The following STUB1 variants were observed in gnomAD, a reference collection of about 807,000 sequenced individuals.
The protein encoded by STUB1 is E3 ubiquitin-protein ligase CHIP.
In STUB1, 37 loss-of-function variants were observed where a neutral mutation model predicts 40.3. The ratio of observed to expected loss-of-function variants is 0.92; its 90% confidence interval spans 0.71 to 1.21. The LOEUF (loss-of-function observed/expected upper bound fraction) is 1.21. STUB1 is among the 50% of genes most tolerant of loss of function. The pLI, the probability that STUB1 is intolerant of heterozygous loss-of-function variation, is 0.00. For missense variants in STUB1, 460 were observed against 421.9 expected, an observed-to-expected ratio of 1.09 and a Z score of -0.79; for synonymous variants, 246 against 171.9, an observed-to-expected ratio of 1.43 and a Z score of -3.37.
chr16:681,853 C>A lies in STUB1; in HGVS notation c.585C>A (p.Ala195=), dbSNP rs747990641. Residue 195 remains alanine, a synonymous_variant, in exon 4 of 7, where the codon GCC becomes GCA. Coordinates refer to ENST00000219548, the MANE Select transcript of STUB1 (RefSeq NM_005861.4). The part of the protein sequence containing the change: ...EGDEDDSHVR[A]QQACIEAKHD... ...ATGAGGACGACAGCCACGTCCGGGCCCAGCAGGCCTGCATTGAGGCCAAGC... is the reference window on the plus strand; with the variant it reads ...ATGAGGACGACAGCCACGTCCGGGCACAGCAGGCCTGCATTGAGGCCAAGC... 3.7e-6 allele frequency: 6 copies of A among 1,611,952 alleles called. No homozygotes were observed. Among genetic ancestry groups the A allele is most frequent in the Non-Finnish European group, 5.1e-6 (6 of 1,179,386 alleles).
chr16:680,772 C>T lies in STUB1; in HGVS notation c.159+88C>T. 3 of 1,102,964 alleles carry T rather than the reference C, an allele frequency of 2.7e-6. No homozygotes were observed. The highest frequency in any genetic ancestry group is 2.3e-6 in the Non-Finnish European group (2 of 884,506). 68.3% of individuals were successfully genotyped at this position (1,102,964 alleles called of 1,614,324 possible). On this transcript the variant is annotated intron_variant, in intron 1 of 6. Transcript: ENST00000219548. This position sits in a 1 kb window ranked among gnomAD's most constrained non-coding sequence, Gnocchi z 4.9. ...GGCCGGCCCCACCGAGGGTCTGGCT[C>T]CTCTTCGGGGCGTGTCCTCGGCTCC...
chr16:680,667 TG>T lies in STUB1; in HGVS notation c.143del (p.Cys48SerfsTer24). 1 of 1,285,008 alleles carries T rather than the reference TG, an allele frequency of 7.8e-7. No individual in the cohort carries two copies. 79.6% of individuals were successfully genotyped at this position (1,285,008 alleles called of 1,614,324 possible). On this transcript the variant is annotated frameshift_variant, in exon 1 of 7. Coordinates refer to ENST00000219548, the MANE Select transcript of STUB1 (RefSeq NM_005861.4). LOFTEE classifies it high-confidence loss of function. The surrounding 1 kb of genome is among the most constrained non-coding windows in gnomAD (Gnocchi z 4.9). ...CCGAAAGTACCCGGAGGCGGCGGCC[TG>T]CTACGGCCGCGCGATCGTGAGTGCG... is the stretch of plus-strand genomic sequence containing the variant. ...VGRKYPEAAACYGRAITRNPL... is the reference protein window; with the variant it reads ...VGRKYPEAAAXYGRAITRNPL...
rs1318088165 is a variant in STUB1 at position 681,132 on chromosome 16, G to T, written c.160-20G>T. ...GCTGAGCCTACGCCCTCATGCGGCT[G>T]GCCCGGCCTTGGTCCCTAGACCCGG... On this transcript the variant is annotated intron_variant, in intron 1 of 6. Coordinates refer to ENST00000219548, the MANE Select transcript of STUB1 (RefSeq NM_005861.4). 3.2e-6 allele frequency: 5 copies of T among 1,544,318 alleles called. No homozygotes were observed. The East Asian group carries it at 1.2e-4, about 38-fold the overall frequency.
Position 680,729 on chromosome 16 carries a change from A to AGGGCCG in STUB1, c.159+48_159+53dup, listed in dbSNP as rs1476534827. 2.0e-6 allele frequency: 2 copies of AGGGCCG among 995,112 alleles called. No homozygotes were observed. The highest frequency in any genetic ancestry group is 2.4e-6 in the Non-Finnish European group (2 of 822,232). The allele number at this position is 995,112 out of a possible 1,614,324, so 61.6% of individuals were successfully genotyped here. On this transcript the variant is annotated intron_variant, in intron 1 of 6. Coordinates refer to ENST00000219548, the MANE Select transcript of STUB1 (RefSeq NM_005861.4). The surrounding 1 kb of genome is among the most constrained non-coding windows in gnomAD (Gnocchi z 4.9). Reference sequence around the variant, plus strand: ...GAGGGCGGCGGCGGTGGCACCGGGGAGGGCCGGGCCCGGGCCCGGCCGGCC... The same window carrying AGGGCCG: ...GAGGGCGGCGGCGGTGGCACCGGGGAGGGCCGGGGCCGGGCCCGGGCCCGGCCGGCC...
chr16:682,260 G>A lies in STUB1; in HGVS notation c.765G>A (p.Lys255=), dbSNP rs1278591967. The A allele has an allele frequency of 1.9e-6, 3 of 1,608,736 alleles. No homozygotes were observed. The highest frequency in any genetic ancestry group is 2.2e-5 in the East Asian group (1 of 44,618). ...CCAGTGGCATCACCTACGACCGCAA[G>A]GACATCGAGGAGCACCTGCAGGTGA... ...ITPSGITYDR[K]DIEEHLQRVG... Residue 255 remains lysine (K), a synonymous_variant, in exon 6 of 7, where the codon AAG becomes AAA. Transcript: ENST00000219548.
rs771415584 is a variant in STUB1, at chr16:681,146, C to T, written c.160-6C>T. 2 of 1,552,398 alleles carry T rather than the reference C, an allele frequency of 1.3e-6. No homozygotes were observed. Among genetic ancestry groups the T allele is most frequent in the South Asian group, 1.2e-5 (1 of 84,484 alleles). On this transcript the variant is annotated splice_region_variant and splice_polypyrimidine_tract_variant and intron_variant, in intron 1 of 6. Coordinates refer to ENST00000219548, the MANE Select transcript of STUB1 (RefSeq NM_005861.4). ...CTCATGCGGCTGGCCCGGCCTTGGT[C>T]CCTAGACCCGGAACCCGCTGGTGGC...
chr16:680,909 G>A lies in STUB1; in HGVS notation c.159+225G>A. 1.6e-6 allele frequency: 1 copy of A among 625,176 alleles called. No homozygotes were observed. Among genetic ancestry groups the A allele is most frequent in the South Asian group, 2.5e-5 (1 of 40,396 alleles). 38.7% of individuals were successfully genotyped at this position (625,176 alleles called of 1,614,324 possible). A position where few individuals can be genotyped will look rare whatever the true frequency, so the allele number is the denominator to read the frequency against. On this transcript the variant is annotated intron_variant, in intron 1 of 6. Coordinates refer to ENST00000219548, the MANE Select transcript of STUB1 (RefSeq NM_005861.4). This position sits in a 1 kb window ranked among gnomAD's most constrained non-coding sequence, Gnocchi z 4.9. ...AGGGCAGGGGCCCTCGACCCTTGAG[G>A]ACCCCAGGTCCTAAGCCCGGACTCT... is the stretch of plus-strand genomic sequence containing the variant.
Position 680,999 on chromosome 16 carries a change from A to G in STUB1, c.160-153A>G. On this transcript the variant is annotated intron_variant, in intron 1 of 6. Coordinates refer to ENST00000219548, the MANE Select transcript of STUB1 (RefSeq NM_005861.4). The surrounding 1 kb of genome is among the most constrained non-coding windows in gnomAD (Gnocchi z 4.9). ...AGCGGATAGGCTCAGCCAGTACTCC[A>G]CTGTGCACAGATCCTTGGACCCAGG... The G allele has an allele frequency of 5.1e-6, 4 of 786,592 alleles. No homozygotes were observed. Among genetic ancestry groups the G allele is most frequent in the Middle Eastern group, 3.8e-4 (1 of 2,626 alleles). 48.7% of individuals were successfully genotyped at this position (786,592 alleles called of 1,614,324 possible).
rs1307568820 is a variant in STUB1 at position 680,824 on chromosome 16, C to T, written c.159+140C>T. On this transcript the variant is annotated intron_variant, in intron 1 of 6. Coordinates refer to ENST00000219548, the MANE Select transcript of STUB1 (RefSeq NM_005861.4). The surrounding 1 kb of genome is among the most constrained non-coding windows in gnomAD (Gnocchi z 4.9). ...AAAGCCCAGCCGTGGTTCTCGAGCC[C>T]AGCGCCGGGTGCCGGAGAACGAGGG... 6.7e-6 allele frequency: 6 copies of T among 899,302 alleles called. No individual in the cohort carries two copies. Among genetic ancestry groups the T allele is most frequent in the African/African-American group, 1.8e-5 (1 of 56,700 alleles). The allele number at this position is 899,302 out of a possible 1,614,324, so 55.7% of individuals were successfully genotyped here.
chr16:682,169 G>A lies in STUB1; in HGVS notation c.674G>A (p.Arg225Gln), dbSNP rs1461391501. ...FSQVDEKRKK[R>Q]DIPDYLCGKI... ...CCGTGTGCCCCTGTGCCACAGAAGC[G>A]AGACATCCCCGACTACCTGTGTGGC... Residue 225 changes from arginine (R) to glutamine (Q), a missense_variant, in exon 6 of 7, where the codon CGA (arginine) becomes CAA (glutamine). Physicochemically the swap from Arg to Gln is conservative, Grantham distance 43. Coordinates refer to ENST00000219548, the MANE Select transcript of STUB1 (RefSeq NM_005861.4). The A allele has an allele frequency of 5.0e-6, 8 of 1,604,800 alleles. No homozygotes were observed. Among genetic ancestry groups the A allele is most frequent in the Non-Finnish European group, 6.0e-6 (7 of 1,172,674 alleles).
rs1395607745 is a variant in STUB1, at chr16:681,229, C to T, written c.237C>T (p.Ala79=). The change falls in exon 2 of 7, where the codon GCC becomes GCT. Residue 79 remains alanine (A), a synonymous_variant. Transcript: ENST00000219548. ...CYLKMQQHEQ[A]LADCRRALEL... ...TGAAGATGCAGCAGCACGAGCAGGCCCTGGCCGACTGCCGGCGCGCCCTGG... is the reference window on the plus strand; with the variant it reads ...TGAAGATGCAGCAGCACGAGCAGGCTCTGGCCGACTGCCGGCGCGCCCTGG... 2 of 1,611,660 alleles carry T rather than the reference C, an allele frequency of 1.2e-6. No homozygotes were observed. The highest frequency in any genetic ancestry group is 1.7e-6 in the Non-Finnish European group (2 of 1,179,542).
chr16:682,207 G>A lies in STUB1; in HGVS notation c.712G>A (p.Glu238Lys). The change falls in exon 6 of 7, where the codon GAG (glutamate) becomes AAG (lysine). Residue 238 changes from glutamate (E) to lysine (K), a missense_variant. Glu to Lys is a moderately conservative substitution (Grantham distance 56, BLOSUM62 1). Coordinates refer to ENST00000219548, the MANE Select transcript of STUB1 (RefSeq NM_005861.4). Reference protein sequence around the residue: ...PDYLCGKISFELMREPCITPS... With the variant: ...PDYLCGKISFKLMREPCITPS... ...CTACCTGTGTGGCAAGATCAGCTTT[G>A]AGCTGATGCGGGAGCCGTGCATCAC... 1 of 1,612,890 alleles carries A rather than the reference G, an allele frequency of 6.2e-7. No individual in the cohort carries two copies. Among genetic ancestry groups the A allele is most frequent in the Non-Finnish European group, 8.5e-7 (1 of 1,179,648 alleles).
chr16:682,515 G>A lies in STUB1; in HGVS notation c.*26G>A, dbSNP rs757431327. 33 of 1,612,508 alleles carry A rather than the reference G, an allele frequency of 2.0e-5. No individual in the cohort carries two copies. In the East Asian group the frequency reaches 7.1e-4, roughly 35 times the overall value. On this transcript the variant is annotated 3_prime_UTR_variant, in exon 7 of 7. Coordinates refer to ENST00000219548, the MANE Select transcript of STUB1 (RefSeq NM_005861.4). ...GGTTCCCTGCCCTACCTGGCGTCCT[G>A]GTCCAGGGGAGCCCTGGGCAGAAGC...
At chr16:681,733 T>A in intron 3 of STUB1, 60 bp from the exon 4 acceptor site, 1 of 1,552,992 alleles carries the variant, frequency 6.4e-7, no homozygotes, top group Non-Finnish European at 8.7e-7. Context: ...GCTCTGAGAT[T>A]GGGGTGTGGT....
Position 682,409 on chromosome 16 carries a change from G to A in STUB1, c.832G>A (p.Glu278Lys). Residue 278 changes from glutamate to lysine, a missense_variant, in exon 7 of 7, where the codon GAA becomes AAA. By Grantham distance (56) the Glu-to-Lys change is moderately conservative. Transcript: ENST00000219548. The part of the protein sequence containing the change: ...DPVTRSPLTQ[E>K]QLIPNLAMKE... The stretch of plus-strand genomic sequence containing the variant: ...CGTGACCCGGAGCCCCCTGACCCAG[G>A]AACAGCTCATCCCCAACTTGGCTAT... 2 of 1,613,392 alleles carry A rather than the reference G, an allele frequency of 1.2e-6. No individual in the cohort carries two copies. The highest frequency in any genetic ancestry group is 1.7e-6 in the Non-Finnish European group (2 of 1,180,008).
chr16:680,573 C>G lies in STUB1; in HGVS notation c.48C>G (p.Gly16=). ...EKEGGARLGA[G]GGSPEKSPSA... ...AGGGCGGCGCACGGCTGGGCGCTGG[C>G]GGCGGAAGCCCCGAGAAGAGCCCGA... Residue 16 remains glycine (G), a synonymous_variant, in exon 1 of 7, where the codon GGC becomes GGG. Transcript: ENST00000219548. The surrounding 1 kb of genome is among the most constrained non-coding windows in gnomAD (Gnocchi z 4.9). 1 of 1,380,580 alleles carries G rather than the reference C, an allele frequency of 7.2e-7. No homozygotes were observed. The highest frequency in any genetic ancestry group is 1.7e-5 in the South Asian group (1 of 60,412). 85.5% of individuals were successfully genotyped at this position (1,380,580 alleles called of 1,614,324 possible).
chr16:681,618 C>T lies in STUB1; in HGVS notation c.524+15C>T, dbSNP rs1326706054. On this transcript the variant is annotated intron_variant, in intron 3 of 6. Coordinates refer to ENST00000219548, the MANE Select transcript of STUB1 (RefSeq NM_005861.4). ...GAGCGTGAGAGGTGGGACCCTCACCCCAGGCCGCCCTGTCTTGGGATAATT... is the reference window on the plus strand; with the variant it reads ...GAGCGTGAGAGGTGGGACCCTCACCTCAGGCCGCCCTGTCTTGGGATAATT... 2 of 1,597,790 alleles carry T rather than the reference C, an allele frequency of 1.3e-6. No individual in the cohort carries two copies.
At position 682,197 on chromosome 16, in the gene STUB1, G is replaced by A. The variant is rs373247057; in HGVS notation, c.702G>A (p.Lys234=). 12 of 1,611,568 alleles carry A rather than the reference G, an allele frequency of 7.4e-6. No homozygotes were observed. The African/African-American group carries it at 1.3e-4, about 18-fold the overall frequency. The change falls in exon 6 of 7, where the codon AAG becomes AAA. Residue 234 remains lysine (K), a synonymous_variant. Transcript: ENST00000219548. ...KRDIPDYLCG[K]ISFELMREPC... is the part of the protein sequence containing the mutation. The stretch of plus-strand genomic sequence containing the variant: ...ACATCCCCGACTACCTGTGTGGCAA[G>A]ATCAGCTTTGAGCTGATGCGGGAGC...
Position 680,757 on chromosome 16 carries a change from A to T in STUB1, c.159+73A>T. ...GCCGGGCCCGGGCCCGGCCGGCCCC[A>T]CCGAGGGTCTGGCTCCTCTTCGGGG... is the stretch of plus-strand genomic sequence containing the variant. On this transcript the variant is annotated intron_variant, in intron 1 of 6. Transcript: ENST00000219548. The surrounding 1 kb of genome is among the most constrained non-coding windows in gnomAD (Gnocchi z 4.9). 8.8e-7 allele frequency: 1 copy of T among 1,134,836 alleles called. No individual in the cohort carries two copies. 70.3% of individuals were successfully genotyped at this position (1,134,836 alleles called of 1,614,324 possible). A position where few individuals can be genotyped will look rare whatever the true frequency, so the allele number is the denominator to read the frequency against.
Sources: allele counts gnomAD v4.1 joint callset, GRCh38; gene constraint gnomAD v4.1.1; non-coding constraint Gnocchi (gnomAD v3.1); transcripts MANE v1.5; gene names NCBI Gene and HGNC (gene_info 2026-07-23, HGNC 2026-07-21).